The following AGMO variants were observed in gnomAD, a reference collection of about 807,000 sequenced individuals.
The protein encoded by AGMO is alkylglycerol monooxygenase.
Under a neutral mutation model 60.2 loss-of-function variants are expected in AGMO, and 75 were observed. The observed-to-expected ratio is 1.25, with a 90% confidence interval of 1.03 to 1.51. AGMO has a LOEUF of 1.51. Ranked by LOEUF, AGMO falls within the 40% of genes most tolerant of loss-of-function variation. The probability of loss-of-function intolerance (pLI) is 0.00; values close to 1 mark genes in which losing one functional copy is unlikely to be tolerated. For synonymous variants in AGMO, 261 were observed against 177.1 expected (o/e 1.47, Z -3.76); for missense variants, 763 against 525.5 (o/e 1.45, Z -4.42).
intron 3 of AGMO, among the ~76,000 whole-genome samples, chr7:15,450,421 A>AG (rs1781828252): frequency 6.8e-6 from 1 of 147,926 alleles, no homozygotes; most frequent in African/African-American, 2.5e-5. Flanking sequence ...CTCCATCTCA[A>AG]AAAAAAAAAA....
chr7:15,351,998 G>C (rs1782260078), intron 12 of AGMO, among the ~76,000 whole-genome samples: 1 of 152,022 alleles, frequency 6.6e-6, no homozygotes. Context: ...TAAATAGCTT[G>C]TTAATTCACA....
intron 4 of AGMO, among the ~76,000 whole-genome samples, chr7:15,429,182 T>C (rs1346123734): frequency 6.6e-6 from 1 of 152,084 alleles, no homozygotes; most frequent in Middle Eastern, 3.2e-3. Context: ...TAGAAGTGTT[T>C]CTTCAATAGT....
intron 10 of AGMO, among the ~76,000 whole-genome samples, chr7:15,370,521 T>G (rs1783166548): frequency 6.6e-6 from 1 of 152,250 alleles, no homozygotes; most frequent in South Asian, 2.1e-4. Context: ...AGTGTGTATG[T>G]GTTCCCTTTT....
At chr7:15,299,830 T>TACACACACACACACACACAC (rs756832586) in intron 12 of AGMO, among the ~76,000 whole-genome samples, 7 of 48,192 alleles carry the variant, frequency 1.5e-4, no homozygotes, top group African/African-American at 8.7e-4. Context: ...TCTGTCTACA[T>TACACACACACACACACACAC]ACACACACAC....
chr7:15,457,788 C>T (rs897618783), intron 3 of AGMO, among the ~76,000 whole-genome samples: 14 of 152,010 alleles, frequency 9.2e-5, no homozygotes, highest in African/African-American at 2.9e-4. Flanking sequence ...TGAAGAGTAC[C>T]TTACACCTAC....
At chr7:15,348,318 C>G (rs924602648) in intron 12 of AGMO, among the ~76,000 whole-genome samples, 1 of 151,986 alleles carries the variant, frequency 6.6e-6, no homozygotes, top group Non-Finnish European at 1.5e-5. Flanking sequence ...CAAACACATA[C>G]TACTTAAAAT....
intron 3 of AGMO, among the ~76,000 whole-genome samples, chr7:15,437,048 G>A (rs141019568): frequency 6.6e-6 from 1 of 152,118 alleles, no homozygotes; most frequent in African/African-American, 2.4e-5. Flanking sequence ...TCAAAGCTTA[G>A]TTGATAAATA....
At chr7:15,390,002 C>G (rs13438427) in intron 8 of AGMO, among the ~76,000 whole-genome samples, 21,703 of 152,096 alleles carry the variant, frequency 0.14, 3,933 homozygotes, top group African/African-American at 0.43. Context: ...GTCATTGACC[C>G]ACCTCTTCAG....
intron 12 of AGMO, among the ~76,000 whole-genome samples, chr7:15,360,956 A>G (rs1782727220): frequency 6.6e-6 from 1 of 152,234 alleles, no homozygotes; most frequent in Non-Finnish European, 1.5e-5. Flanking sequence ...TAAAGCAGAA[A>G]TAAGCAGGCA....
At chr7:15,356,741 A>T (rs1326785856) in intron 12 of AGMO, among the ~76,000 whole-genome samples, 1 of 151,850 alleles carries the variant, frequency 6.6e-6, no homozygotes, top group Non-Finnish European at 1.5e-5. Flanking sequence ...TGCTATATGA[A>T]AAAATGTGAT....
intron 12 of AGMO, among the ~76,000 whole-genome samples, chr7:15,309,702 G>A (rs1292004985): frequency 2.0e-5 from 3 of 152,044 alleles, no homozygotes; most frequent in Non-Finnish European, 4.4e-5. Flanking sequence ...GACTATTAGA[G>A]AGAAAATAAC....
the AGMO span, among the ~76,000 whole-genome samples, chr7:15,133,358 G>A: frequency 2.6e-5 from 4 of 152,162 alleles, no homozygotes; most frequent in Admixed American, 2.0e-4. Context: ...TTCAACAACT[G>A]AACAGGTGGA....
intron 12 of AGMO, among the ~76,000 whole-genome samples, chr7:15,363,412 T>C (rs1473873980): frequency 6.6e-6 from 1 of 152,172 alleles, no homozygotes; most frequent in Non-Finnish European, 1.5e-5. Flanking sequence ...CTTACACATA[T>C]TCTCTTATTT....
At chr7:15,183,211 T>C in the AGMO span, among the ~76,000 whole-genome samples, 6 of 152,124 alleles carry the variant, frequency 3.9e-5, no homozygotes, top group Non-Finnish European at 5.9e-5. Flanking sequence ...TCTTGATATA[T>C]TTTTCTTGCA....
intron 3 of AGMO, among the ~76,000 whole-genome samples, chr7:15,532,534 T>C (rs1784395389): frequency 2.0e-5 from 3 of 152,210 alleles, no homozygotes; most frequent in Admixed American, 2.0e-4. Context: ...TAGTAAATAC[T>C]AATTAATTGT....
At chr7:15,459,784 G>T (rs1782097061) in intron 3 of AGMO, among the ~76,000 whole-genome samples, 1 of 151,990 alleles carries the variant, frequency 6.6e-6, no homozygotes, top group African/African-American at 2.4e-5. Flanking sequence ...GGGTAAGAAT[G>T]AGATACCTAT....
the AGMO span, among the ~76,000 whole-genome samples, chr7:15,154,751 A>G: frequency 6.6e-6 from 1 of 152,082 alleles, no homozygotes; most frequent in Non-Finnish European, 1.5e-5. Context: ...TTTTGTTTGT[A>G]TGTTTAGCAA....
chr7:15,483,595 A>G (rs1014353410), intron 3 of AGMO, among the ~76,000 whole-genome samples: 2 of 151,342 alleles, frequency 1.3e-5, no homozygotes, highest in Non-Finnish European at 2.9e-5. Flanking sequence ...ACAAACAAAC[A>G]AACAAAAAAC....
chr7:15,319,621 G>A (rs1422524386), intron 12 of AGMO, among the ~76,000 whole-genome samples: 2 of 151,940 alleles, frequency 1.3e-5, no homozygotes, highest in East Asian at 1.9e-4. Flanking sequence ...GACGTTTTCC[G>A]AAGACTCAAA....
Sources: allele counts gnomAD v4.1 joint callset (sites outside exome capture counted in the v4.1 genomes callset), GRCh38; gene constraint gnomAD v4.1.1; transcripts MANE v1.5; gene names NCBI Gene and HGNC (gene_info 2026-07-23, HGNC 2026-07-21).